The following SPI1 variants were observed in gnomAD, a reference collection of about 807,000 sequenced individuals.
The protein encoded by SPI1 is Spi-1 proto-oncogene, also known as transcription factor PU.1.
In SPI1, 3 loss-of-function variants were observed where a neutral mutation model predicts 30.7. That is an observed-to-expected ratio of 0.10 (90% CI 0.04 to 0.25). The LOEUF is 0.25. Ranked by LOEUF, SPI1 falls within the 10% of genes least tolerant of loss-of-function variation. The pLI is 1.00. For missense variants in SPI1, 261 were observed against 371.5 expected (o/e 0.70, Z 2.45); for synonymous variants, 169 against 157.1 (o/e 1.08, Z -0.56).
chr11:47,361,136 G>A (rs1216317176), intron 2 of SPI1, among the ~76,000 whole-genome samples: 7 of 151,916 alleles, frequency 4.6e-5, no homozygotes, highest in Admixed American at 4.6e-4. Flanking sequence ...GAAAAAAAAA[G>A]AAAAAAGAAA....
At chr11:47,371,966 AT>A (rs1428880090) in intron 2 of SPI1, among the ~76,000 whole-genome samples, 1 of 151,904 alleles carries the variant, frequency 6.6e-6, no homozygotes, top group Non-Finnish European at 1.5e-5. Flanking sequence ...TCCCCTACCT[AT>A]GGTCACATGT....
At position 47,374,712 on chromosome 11, in the gene SPI1, C is replaced by T. The variant is rs1281657428; in HGVS notation, c.142+921G>A. 6.6e-6 allele frequency among the ~76,000 whole-genome samples: 1 copy of T among 152,244 alleles called. No individual in the cohort carries two copies. Among genetic ancestry groups the T allele is most frequent in the Non-Finnish European group, 1.5e-5 (1 of 68,048 alleles). ...CCTCGCTTTGGGTCAGGGATGTCTA[C>T]ATCAATAAGCCAAGATCCACTTTGG... On this transcript the variant is annotated intron_variant, in intron 2 of 4. Coordinates refer to ENST00000378538, the MANE Select transcript of SPI1 (RefSeq NM_003120.3). This position sits in a 1 kb window ranked among gnomAD's most constrained non-coding sequence, Gnocchi z 4.5.
chr11:47,371,752 A>T (rs11039212), intron 2 of SPI1, among the ~76,000 whole-genome samples: 45,907 of 151,932 alleles, frequency 0.3, 7,187 homozygotes, highest in Middle Eastern at 0.41. Flanking sequence ...TGGTCATGTC[A>T]TTTCCCTGCT....
At chr11:47,376,029 C>A (rs2095941883) in intron 1 of SPI1, among the ~76,000 whole-genome samples, 1 of 151,942 alleles carries the variant, frequency 6.6e-6, no homozygotes, top group Non-Finnish European at 1.5e-5. Flanking sequence ...GTGCCCCCAT[C>A]CTCATCCCAC....
In SPI1 at chr11:47,358,411, C is replaced by T. The variant is rs370485302; in HGVS notation, c.493+433G>A. 1.4e-4 allele frequency: 85 copies of T among 627,894 alleles called. 4 individuals carry two copies. The highest frequency in any genetic ancestry group is 5.2e-4 in the Admixed American group (22 of 42,494). The allele number at this position is 627,894 out of a possible 1,614,324, so 38.9% of individuals were successfully genotyped here. Reference sequence around the variant, plus strand: ...CATCATACGTGCACAGCTGCTCACACGCACTGAAATACATTCATGTGTTGA... The same window carrying T: ...CATCATACGTGCACAGCTGCTCACATGCACTGAAATACATTCATGTGTTGA... On this transcript the variant is annotated intron_variant, in intron 4 of 4. Transcript: ENST00000378538.
chr11:47,356,158 TCA>T (rs748911163), intron 4 of SPI1, among the ~76,000 whole-genome samples: 22 of 149,138 alleles, frequency 1.5e-4, no homozygotes, highest in Non-Finnish European at 2.2e-4. Context: ...ACATCTGCCC[TCA>T]CACACTGTCA....
intron 2 of SPI1, among the ~76,000 whole-genome samples, chr11:47,362,174 T>C (rs747381781): frequency 1.3e-5 from 2 of 152,200 alleles, no homozygotes; most frequent in Non-Finnish European, 2.9e-5. Flanking sequence ...AATGACCTAT[T>C]GCTTGCAAAG....
intron 4 of SPI1, 129 bp from the exon 5 acceptor site, chr11:47,355,675 C>G: frequency 1.4e-6 from 1 of 734,694 alleles, no homozygotes; most frequent in Non-Finnish European, 2.2e-6. Context: ...TGCCCCAGCC[C>G]GCGCCGGGCG....
intron 4 of SPI1, among the ~76,000 whole-genome samples, 173 bp from the exon 5 acceptor site, chr11:47,355,719 CA>C (rs1466442092): frequency 3.3e-5 from 5 of 151,956 alleles, no homozygotes; most frequent in South Asian, 2.1e-4. Flanking sequence ...CACACACACA[CA>C]CATGCTTGCG....
chr11:47,361,716 T>C (rs2095921025), intron 2 of SPI1, among the ~76,000 whole-genome samples: 1 of 152,168 alleles, frequency 6.6e-6, no homozygotes, highest in Non-Finnish European at 1.5e-5. Flanking sequence ...GGTGTACACA[T>C]GTCTGCCTGC....
intron 2 of SPI1, among the ~76,000 whole-genome samples, 181 bp from the exon 3 acceptor site, chr11:47,360,221 C>G (rs1247546631): frequency 6.6e-6 from 1 of 152,134 alleles, no homozygotes; most frequent in Admixed American, 6.5e-5. Context: ...AGGCTTCGAG[C>G]GGCTACATAG....
In SPI1 at chr11:47,374,473, C is replaced by A. The variant is rs570255618; in HGVS notation, c.142+1160G>T. On this transcript the variant is annotated intron_variant, in intron 2 of 4. Coordinates refer to ENST00000378538, the MANE Select transcript of SPI1 (RefSeq NM_003120.3). The surrounding 1 kb of genome is among the most constrained non-coding windows in gnomAD (Gnocchi z 4.5). ...AAATGTGGACCAGGCACATGTGGAT[C>A]CCTAGCTGGGCCCATCAGGTTTAGA... is the stretch of plus-strand genomic sequence containing the variant. Among the ~76,000 whole-genome samples, 2 of 152,262 alleles carry A rather than the reference C, an allele frequency of 1.3e-5. No homozygotes were observed. Among genetic ancestry groups the A allele is most frequent in the African/African-American group, 4.8e-5 (2 of 41,562 alleles).
Position 47,359,446 on chromosome 11 carries a change from G to C in SPI1, c.330+407C>G, listed in dbSNP as rs2095917347. ...TCAGTAGGGGTGGTAGAGGTCAGCA[G>C]AGGTCACTGATCCGGGTTAGGGTCA... On this transcript the variant is annotated intron_variant, in intron 3 of 4. Transcript: ENST00000378538. This position sits in a 1 kb window ranked among gnomAD's most constrained non-coding sequence, Gnocchi z 5.1. Among the ~76,000 whole-genome samples the C allele has an allele frequency of 6.6e-6, 1 of 152,120 alleles. No homozygotes were observed. Among genetic ancestry groups the C allele is most frequent in the African/African-American group, 2.4e-5 (1 of 41,410 alleles).
rs2095905956 is a variant in SPI1 at position 47,355,085 on chromosome 11, G to T, written c.*142C>A. ...ATGTGGAGGGGGCCTGGAGTGGGGG[G>T]AGGGGGCGGGTGAGGCGAGGCCCGG... On this transcript the variant is annotated 3_prime_UTR_variant, in exon 5 of 5. Transcript: ENST00000378538. 2 of 482,228 alleles carry T rather than the reference G, an allele frequency of 4.1e-6. No homozygotes were observed. The highest frequency in any genetic ancestry group is 8.5e-5 in the East Asian group (2 of 23,434). 29.9% of individuals were successfully genotyped at this position (482,228 alleles called of 1,614,324 possible).
intron 2 of SPI1, among the ~76,000 whole-genome samples, chr11:47,367,301 C>A (rs956417943): frequency 6.6e-6 from 1 of 152,090 alleles, no homozygotes; most frequent in African/African-American, 2.4e-5. Flanking sequence ...TGCTTGTAAT[C>A]CCAGCACTTT....
chr11:47,370,157 C>G (rs1202726455), intron 2 of SPI1, among the ~76,000 whole-genome samples: 1 of 152,170 alleles, frequency 6.6e-6, no homozygotes, highest in African/African-American at 2.4e-5. Context: ...AATCCCAGCA[C>G]TTTGGGAGGC....
In SPI1 at chr11:47,370,600, G is replaced by A. The variant is rs552210796; in HGVS notation, c.142+5033C>T. On this transcript the variant is annotated intron_variant, in intron 2 of 4. Transcript: ENST00000378538. ...ACCTGTAATCCCAGCTACTCAGGAGGCTGAGGCAGGAGAATTGCTTGAACC... is the reference window on the plus strand; with the variant it reads ...ACCTGTAATCCCAGCTACTCAGGAGACTGAGGCAGGAGAATTGCTTGAACC... 5.3e-5 allele frequency among the ~76,000 whole-genome samples: 8 copies of A among 152,282 alleles called. 1 individual carries two copies. The South Asian group carries it at 1.7e-3, about 32-fold the overall frequency.
chr11:47,376,077 G>A (rs913309785), intron 1 of SPI1, among the ~76,000 whole-genome samples: 1 of 151,600 alleles, frequency 6.6e-6, no homozygotes, highest in South Asian at 2.1e-4. Context: ...ATGTCCACAC[G>A]ATCCCTGTGT....
rs377115956 is a variant in SPI1 at position 47,368,872 on chromosome 11, G to A, written c.142+6761C>T. Among the ~76,000 whole-genome samples the A allele has an allele frequency of 2.6e-4, 40 of 152,322 alleles. No individual in the cohort carries two copies. In the South Asian group the frequency reaches 8.1e-3, roughly 31 times the overall value. On this transcript the variant is annotated intron_variant, in intron 2 of 4. Transcript: ENST00000378538. ...TAACGTGAATATATTTAATATCACAGAACTATACACTTAAAATGTAAAGAA... is the reference window on the plus strand; with the variant it reads ...TAACGTGAATATATTTAATATCACAAAACTATACACTTAAAATGTAAAGAA...
Sources: gnomAD v4.1 joint callset for allele counts (sites outside exome capture counted in the v4.1 genomes callset) on GRCh38, gnomAD v4.1.1 for gene constraint, Gnocchi (gnomAD v3.1) non-coding constraint, MANE v1.5 for transcripts, NCBI Gene and HGNC (gene_info 2026-07-23, HGNC 2026-07-21) for gene names.